Variants in DLG2 observed in about 807,000 individuals in gnomAD.
DLG2 encodes disks large homolog 2.
Under a neutral mutation model 132.5 loss-of-function variants are expected in DLG2, and 45 were observed. The ratio of observed to expected loss-of-function variants is 0.34; its 90% CI spans 0.27 to 0.44. The LOEUF is 0.44. Among genes scored for constraint, DLG2 ranks in the 20% least tolerant of loss-of-function variants. The probability of loss-of-function intolerance (pLI) is 1.00; values close to 1 mark genes in which losing one functional copy is unlikely to be tolerated. For missense variants in DLG2, 1,045 were observed against 1,196.9 expected (o/e 0.87, Z 1.87); for synonymous variants, 424 against 419.6 (o/e 1.01, Z -0.13).
chr11:85,523,792 C>T (rs116849804), intron 3 of DLG2, among the ~76,000 whole-genome samples: 5,401 of 152,256 alleles, frequency 0.035, 145 homozygotes, highest in Admixed American at 0.053. Flanking sequence ...ACGTTTATTG[C>T]AGCACTATTT....
chr11:83,926,125 T>C lies in DLG2; in HGVS notation c.1496+4203A>G, dbSNP rs567458683. ...AACTTCTCTGTTTTCTTTTAAACGG[T>C]CTTACAGAAGTAAATTGTGTGTACA... On this transcript the variant is annotated intron_variant, in intron 15 of 27. Transcript: ENST00000376104. Among the ~76,000 whole-genome samples the C allele has an allele frequency of 7.9e-5, 12 of 152,276 alleles. No individual in the cohort carries two copies. In the South Asian group the frequency reaches 2.5e-3, roughly 32 times the overall value.
chr11:84,878,121 A>T (rs2086688937), intron 6 of DLG2, among the ~76,000 whole-genome samples: 3 of 152,210 alleles, frequency 2.0e-5, no homozygotes. Flanking sequence ...GCGGGAGTGC[A>T]AATTAGTTCA....
intron 2 of DLG2, chr11:85,624,961 G>A (rs2081956109): frequency 6.6e-6 from 1 of 152,166 alleles, no homozygotes; most frequent in Admixed American, 6.5e-5. Flanking sequence ...AGCAATTTCT[G>A]TAACAGTTCT....
intron 24 of DLG2, among the ~76,000 whole-genome samples, chr11:83,470,498 GA>G (rs1410612144): frequency 6.6e-6 from 1 of 152,174 alleles, no homozygotes; most frequent in Non-Finnish European, 1.5e-5. Context: ...AAAAAAGAGA[GA>G]ATATGCAAGG....
chr11:84,028,887 G>A (rs1261872310), intron 11 of DLG2, among the ~76,000 whole-genome samples: 4 of 151,976 alleles, frequency 2.6e-5, no homozygotes, highest in African/African-American at 9.7e-5. Context: ...TTTCCCAGTA[G>A]GGTGTGAGCC....
chr11:84,551,702 T>C (rs2099402184), intron 6 of DLG2, among the ~76,000 whole-genome samples: 1 of 152,212 alleles, frequency 6.6e-6, no homozygotes, highest in Non-Finnish European at 1.5e-5. Context: ...ACACACTATA[T>C]TGTCTCTCAA....
chr11:84,676,033 A>G (rs941971247), intron 6 of DLG2, among the ~76,000 whole-genome samples: 4 of 152,102 alleles, frequency 2.6e-5, no homozygotes, highest in Non-Finnish European at 5.9e-5. Flanking sequence ...TGAATCTCAT[A>G]TAAGAGCTAC....
chr11:83,701,370 T>C (rs2153642687), intron 18 of DLG2, among the ~76,000 whole-genome samples: 1 of 152,300 alleles, frequency 6.6e-6, no homozygotes, highest in South Asian at 2.1e-4. Context: ...AATATACCTT[T>C]CTTAGAACAG....
chr11:85,317,580 G>A (rs1203064089), intron 3 of DLG2, among the ~76,000 whole-genome samples: 1 of 151,928 alleles, frequency 6.6e-6, no homozygotes, highest in South Asian at 2.1e-4. Context: ...GATGCTATGA[G>A]AATAGTCTTT....
chr11:84,210,834 G>C (rs2096744840), intron 8 of DLG2, among the ~76,000 whole-genome samples: 1 of 152,228 alleles, frequency 6.6e-6, no homozygotes, highest in South Asian at 2.1e-4. Flanking sequence ...TTGATTCTGG[G>C]AGGGCACAGA....
chr11:83,976,653 C>A (rs2092267875), intron 12 of DLG2, among the ~76,000 whole-genome samples: 1 of 151,856 alleles, frequency 6.6e-6, no homozygotes, highest in African/African-American at 2.4e-5. Context: ...TAAAATGAAT[C>A]ATTTTCTTTC....
chr11:84,441,140 T>C (rs2099016162), intron 7 of DLG2, among the ~76,000 whole-genome samples: 1 of 150,784 alleles, frequency 6.6e-6, no homozygotes, highest in Admixed American at 6.6e-5. Context: ...TAAATTATTA[T>C]TATTATTATT....
intron 4 of DLG2, among the ~76,000 whole-genome samples, chr11:85,271,135 G>A (rs970471505): frequency 6.6e-6 from 1 of 152,182 alleles, no homozygotes; most frequent in Admixed American, 6.5e-5. Context: ...TCTGCTGTGT[G>A]CAGTCTAGAG....
At chr11:83,558,881 G>C (rs1593169898) in intron 19 of DLG2, among the ~76,000 whole-genome samples, 1 of 151,070 alleles carries the variant, frequency 6.6e-6, no homozygotes, top group East Asian at 1.9e-4. Flanking sequence ...GTGTGTGTGT[G>C]TGTGTGTATG....
At chr11:83,730,919 T>C (rs1226801334) in intron 18 of DLG2, among the ~76,000 whole-genome samples, 1 of 152,116 alleles carries the variant, frequency 6.6e-6, no homozygotes, top group African/African-American at 2.4e-5. Flanking sequence ...TTATTTCCAA[T>C]AAGGGGGCCT....
In DLG2 at chr11:85,265,850, T is replaced by C. The variant is rs1595812950; in HGVS notation, c.186+19370A>G. On this transcript the variant is annotated intron_variant, in intron 4 of 27. Coordinates refer to ENST00000376104, the MANE Select transcript of DLG2 (RefSeq NM_001142699.3). ...AACTTGACTTCAGGGAAGAGTGACCTGCCATTCCCATTCCCTTTCCAGCTC... is the reference window on the plus strand; with the variant it reads ...AACTTGACTTCAGGGAAGAGTGACCCGCCATTCCCATTCCCTTTCCAGCTC... 2.6e-5 allele frequency among the ~76,000 whole-genome samples: 4 copies of C among 152,198 alleles called. No individual in the cohort carries two copies. The South Asian group carries it at 8.3e-4, about 31-fold the overall frequency.
chr11:84,249,631 T>C lies in DLG2; in HGVS notation c.573+1607A>G, dbSNP rs146271183. 2.0e-5 allele frequency among the ~76,000 whole-genome samples: 3 copies of C among 152,306 alleles called. No homozygotes were observed. In the East Asian group the frequency reaches 5.8e-4, roughly 29 times the overall value. On this transcript the variant is annotated intron_variant, in intron 8 of 27. Transcript: ENST00000376104. ...AAAATTTGTTAAGTGCCTACAGCAG[T>C]GTTAGGCATACACTGTTACAGAAGT...
intron 6 of DLG2, among the ~76,000 whole-genome samples, chr11:85,026,307 A>G (rs1413594454): frequency 6.6e-6 from 1 of 152,176 alleles, no homozygotes; most frequent in Admixed American, 6.5e-5. Flanking sequence ...AGCAAAGAAC[A>G]TGAAAAGAAA....
chr11:84,154,635 C>T (rs1596279540), intron 9 of DLG2, among the ~76,000 whole-genome samples: 1 of 152,160 alleles, frequency 6.6e-6, no homozygotes, highest in African/African-American at 2.4e-5. Flanking sequence ...TCTCCTAATG[C>T]TATCCCTCCC....
Sources: allele counts gnomAD v4.1 joint callset (sites outside exome capture counted in the v4.1 genomes callset), GRCh38; gene constraint gnomAD v4.1.1; transcripts MANE v1.5; gene names NCBI Gene and HGNC (gene_info 2026-07-23, HGNC 2026-07-21).